The following ZFAT variants were observed in gnomAD, a reference collection of about 807,000 sequenced individuals.
ZFAT encodes the protein zinc finger protein ZFAT.
In ZFAT, 64 loss-of-function variants were observed where a neutral mutation model predicts 117.7. That is an observed-to-expected ratio of 0.54 (90% CI 0.44 to 0.67). The LOEUF (loss-of-function observed/expected upper bound fraction) is 0.67, where lower values mean the gene tolerates loss of function less well. ZFAT is among the 30% of genes least tolerant of loss of function. ZFAT has a pLI of 0.00. For missense variants in ZFAT, 1,433 were observed against 1,584.5 expected, an observed-to-expected ratio of 0.90 and a Z score of 1.62; for synonymous variants, 679 against 615.0, an observed-to-expected ratio of 1.10 and a Z score of -1.54.
At chr8:134,655,069 AG>A (rs1208946311) in intron 2 of ZFAT, among the ~76,000 whole-genome samples, 1 of 152,184 alleles carries the variant, frequency 6.6e-6, no homozygotes, top group African/African-American at 2.4e-5. Context: ...CTTCCCAGGC[AG>A]GGGTGGCCTT....
At chr8:134,747,841 C>T in the ZFAT span, among the ~76,000 whole-genome samples, 7 of 152,070 alleles carry the variant, frequency 4.6e-5, no homozygotes, top group African/African-American at 1.2e-4. Flanking sequence ...AGACCAAAGA[C>T]GTAAATTAAT....
At chr8:134,717,163 T>C (rs1224124742), upstream of ZFAT, among the ~76,000 whole-genome samples, 8 of 152,206 alleles carry the variant, frequency 5.3e-5, no homozygotes, top group Non-Finnish European at 1.5e-5. Flanking sequence ...TGATGCATAA[T>C]GAAGGTCATT....
At chr8:134,665,262 C>A (rs1832152057) in intron 1 of ZFAT, among the ~76,000 whole-genome samples, 1 of 152,226 alleles carries the variant, frequency 6.6e-6, no homozygotes, top group Admixed American at 6.5e-5. Context: ...TGGCCATGGG[C>A]TGCAGACATG....
At chr8:134,810,793 A>T in the ZFAT span, among the ~76,000 whole-genome samples, 1 of 152,238 alleles carries the variant, frequency 6.6e-6, no homozygotes, top group Non-Finnish European at 1.5e-5. Context: ...AGATGTTAAA[A>T]GCATTTACAG....
intron 15 of ZFAT, among the ~76,000 whole-genome samples, chr8:134,499,892 C>T (rs1818840489): frequency 6.6e-6 from 1 of 152,190 alleles, no homozygotes; most frequent in South Asian, 2.1e-4. Context: ...AGGCCCTCCA[C>T]CAGCTGGGGA....
chr8:134,478,980 G>A lies in ZFAT; in HGVS notation c.3493-259C>T, dbSNP rs995786145. Among the ~76,000 whole-genome samples the A allele has an allele frequency of 3.9e-5, 6 of 152,156 alleles. No homozygotes were observed. Among genetic ancestry groups the A allele is most frequent in the Admixed American group, 1.3e-4 (2 of 15,282 alleles). On this transcript the variant is annotated intron_variant, in intron 15 of 15. Coordinates refer to ENST00000377838, the MANE Select transcript of ZFAT (RefSeq NM_020863.4). This position sits in a 1 kb window ranked among gnomAD's most constrained non-coding sequence, Gnocchi z 5.2. ...GAACCTAAGTTCAAACCCAGAGTCCGAGGTTGTTTCTGATGCCGAGCTGCT... is the reference window on the plus strand; with the variant it reads ...GAACCTAAGTTCAAACCCAGAGTCCAAGGTTGTTTCTGATGCCGAGCTGCT...
At chr8:134,818,963 T>C in the ZFAT span, among the ~76,000 whole-genome samples, 1 of 152,228 alleles carries the variant, frequency 6.6e-6, no homozygotes, top group Admixed American at 6.5e-5. Flanking sequence ...TTTGGGGGTA[T>C]ATGTTTAGTG....
the ZFAT span, among the ~76,000 whole-genome samples, chr8:134,736,775 A>C: frequency 6.6e-6 from 1 of 152,006 alleles, no homozygotes; most frequent in Non-Finnish European, 1.5e-5. Flanking sequence ...TTCTAGATAC[A>C]AAGTCTCGCT....
intron 10 of ZFAT, among the ~76,000 whole-genome samples, chr8:134,566,501 G>A (rs1824481492): frequency 6.6e-6 from 1 of 151,424 alleles, no homozygotes; most frequent in African/African-American, 2.4e-5. Context: ...TTTTGCCTCT[G>A]ATTAGCATAA....
At chr8:134,673,492 T>G (rs1451503296) in intron 1 of ZFAT, 1 of 216,492 alleles carries the variant, frequency 4.6e-6, no homozygotes, top group African/African-American at 2.3e-5. Flanking sequence ...TTGGGGATTA[T>G]GACACCAAGT....
intron 10 of ZFAT, chr8:134,565,630 G>C (rs910322740): frequency 3.0e-5 from 20 of 669,754 alleles, no homozygotes; most frequent in Non-Finnish European, 5.1e-5. Flanking sequence ...CCCAGGGAGG[G>C]AGAGGCACAG....
chr8:134,557,052 A>T (rs1367163843), intron 11 of ZFAT, among the ~76,000 whole-genome samples: 1 of 152,200 alleles, frequency 6.6e-6, no homozygotes, highest in Non-Finnish European at 1.5e-5. Context: ...TCATAACATG[A>T]ACATGTGTGA....
At chr8:134,679,574 A>G (rs1832969688) in intron 1 of ZFAT, among the ~76,000 whole-genome samples, 1 of 152,214 alleles carries the variant, frequency 6.6e-6, no homozygotes, top group Admixed American at 6.5e-5. Flanking sequence ...TGACCCAGCA[A>G]TCCCATTACT....
intron 7 of ZFAT, among the ~76,000 whole-genome samples, chr8:134,592,275 G>A (rs1462003143): frequency 2.0e-5 from 3 of 152,184 alleles, no homozygotes; most frequent in African/African-American, 7.2e-5. Context: ...AAGCACAAGA[G>A]CTATCACTTC....
At chr8:134,771,253 G>C in the ZFAT span, among the ~76,000 whole-genome samples, 1 of 152,142 alleles carries the variant, frequency 6.6e-6, no homozygotes, top group Non-Finnish European at 1.5e-5. Context: ...TTTGTACTCT[G>C]TCCCTTTATT....
chr8:134,653,270 T>TTAAAAAAAAA lies in ZFAT; in HGVS notation c.196+4290_196+4291insTTTTTTTTTA, dbSNP rs1554615159. Among the ~76,000 whole-genome samples the TTAAAAAAAAA allele has an allele frequency of 1.7e-3, 160 of 91,858 alleles. 5 individuals carry two copies. The highest frequency in any genetic ancestry group is 3.0e-3 in the Non-Finnish European group (144 of 47,838). 60.3% of individuals were successfully genotyped at this position (91,858 alleles called of 152,430 possible). A position where few individuals can be genotyped will look rare whatever the true frequency, so the allele number is the denominator to read the frequency against. On this transcript the variant is annotated intron_variant, in intron 2 of 15. Coordinates refer to ENST00000377838, the MANE Select transcript of ZFAT (RefSeq NM_020863.4). ...TTGGAACCAACCCAAATGTCTTTTT[T>TTAAAAAAAAA]AAAAAAAAAAAAAAAAAAAAACAAA...
intron 1 of ZFAT, among the ~76,000 whole-genome samples, chr8:134,670,551 C>G (rs546284472): frequency 3.3e-5 from 5 of 152,250 alleles, no homozygotes; most frequent in Admixed American, 3.3e-4. Context: ...TCTTTGAAAC[C>G]AATGAGAACA....
At chr8:134,791,795 G>A in the ZFAT span, among the ~76,000 whole-genome samples, 1 of 152,122 alleles carries the variant, frequency 6.6e-6, no homozygotes, top group Non-Finnish European at 1.5e-5. Context: ...ATCTCTTACA[G>A]CTAAAAGATA....
intron 12 of ZFAT, among the ~76,000 whole-genome samples, chr8:134,529,626 T>TCTGCCA (rs1821268835): frequency 6.6e-6 from 1 of 152,158 alleles, no homozygotes; most frequent in Non-Finnish European, 1.5e-5. Context: ...CAGGCCCTGG[T>TCTGCCA]GGCAGACACC....
Sources: gnomAD v4.1 joint callset for allele counts (sites outside exome capture counted in the v4.1 genomes callset) on GRCh38, gnomAD v4.1.1 for gene constraint, Gnocchi (gnomAD v3.1) non-coding constraint, MANE v1.5 for transcripts, NCBI Gene and HGNC (gene_info 2026-07-23, HGNC 2026-07-21) for gene names.